MRPS22: variants seen among roughly 807,000 people sequenced by gnomAD.
MRPS22 encodes the protein small ribosomal subunit protein mS22.
In MRPS22, 30 loss-of-function variants were observed where a neutral mutation model predicts 44.0. The observed-to-expected ratio is 0.68, with a 90% CI of 0.51 to 0.93. The LOEUF is 0.93. Ranked by LOEUF, MRPS22 falls within the 40% of genes least tolerant of loss-of-function variation. The probability of loss-of-function intolerance (pLI) is 0.00; values close to 1 mark genes in which losing one functional copy is unlikely to be tolerated. For synonymous variants in MRPS22, 165 were observed against 154.4 expected, an observed-to-expected ratio of 1.07 and a Z score of -0.51; for missense variants, 447 against 447.8, an observed-to-expected ratio of 1.00 and a Z score of 0.02.
Position 139,356,919 on chromosome 3 carries a change from G to T in MRPS22, c.988G>T (p.Val330Phe), listed in dbSNP as rs1257918633. The change falls in exon 8 of 8, where the codon GTC becomes TTC. Residue 330 changes from valine (V) to phenylalanine (F), a missense_variant and splice_region_variant. Coordinates refer to ENST00000680020, the MANE Select transcript of MRPS22 (RefSeq NM_020191.4). ...QAAEGINLIK[V>F]FAKTEAQKGA... ...AAAATTTTCTTTTTAATTTAAACAG[G>T]TCTTTGCAAAAACAGAAGCACAGAA... is the stretch of plus-strand genomic sequence containing the variant. 6.2e-7 allele frequency: 1 copy of T among 1,609,232 alleles called. No individual in the cohort carries two copies. Among genetic ancestry groups the T allele is most frequent in the East Asian group, 2.2e-5 (1 of 44,786 alleles).
At chr3:139,355,918 T>C (rs1941247229) in intron 7 of MRPS22, 128 bp downstream of exon 7, 1 of 749,122 alleles carries the variant, frequency 1.3e-6, no homozygotes, top group Non-Finnish European at 2.4e-6. Flanking sequence ...CTTGAAAACA[T>C]CAGTATGATT....
At position 139,348,211 on chromosome 3, in the gene MRPS22, G is replaced by A; in HGVS notation, c.391G>A (p.Val131Ile). The change falls in exon 3 of 8, where the codon GTT (valine) becomes ATT (isoleucine). Residue 131 changes from valine to isoleucine, a missense_variant. By Grantham distance (29) the Val-to-Ile change is conservative. Coordinates refer to ENST00000680020, the MANE Select transcript of MRPS22 (RefSeq NM_020191.4). Reference protein sequence around the residue: ...AAKVRLKMPPVLEERVPINDV... With the variant: ...AAKVRLKMPPILEERVPINDV... ...TAAAGTACGATTAAAAATGCCACCA[G>A]TTCTGGAAGAGCGAGTACCAATAAA... The A allele has an allele frequency of 6.2e-7, 1 of 1,614,172 alleles. No homozygotes were observed. Among genetic ancestry groups the A allele is most frequent in the Non-Finnish European group, 8.5e-7 (1 of 1,180,008 alleles).
At chr3:139,347,553 C>G (rs566188557) in intron 2 of MRPS22, among the ~76,000 whole-genome samples, 2 of 152,300 alleles carry the variant, frequency 1.3e-5, no homozygotes, top group African/African-American at 4.8e-5. Context: ...ATATATATAT[C>G]TCTCTCCAGT....
chr3:139,355,759 A>G lies in MRPS22; in HGVS notation c.956A>G (p.Asp319Gly), dbSNP rs1318237370. 6.2e-7 allele frequency: 1 copy of G among 1,614,126 alleles called. No individual in the cohort carries two copies. Among genetic ancestry groups the G allele is most frequent in the Non-Finnish European group, 8.5e-7 (1 of 1,179,988 alleles). ...GGCCAGTCGGCTCAAGGGGCCAAGG[A>G]TCAGGCTGCTGAGGGAATAAATTTA... ...PDGQSAQGAK[D>G]QAAEGINLIK... The change falls in exon 7 of 8, where the codon GAT becomes GGT. Residue 319 changes from aspartate to glycine, a missense_variant. Coordinates refer to ENST00000680020, the MANE Select transcript of MRPS22 (RefSeq NM_020191.4).
At chr3:139,355,638 A>G (rs1488780538) in intron 6 of MRPS22, 44 bp from the exon 7 acceptor site, 3 of 1,483,556 alleles carry the variant, frequency 2.0e-6, no homozygotes, top group South Asian at 2.3e-5. Context: ...CTGTGAATCA[A>G]ATGAAGAAAA....
rs9878548 is a variant in MRPS22, at chr3:139,356,802, C to A, written c.988-117C>A. 529,519 of 711,710 alleles carry A rather than the reference C, an allele frequency of 0.74. 201,998 individuals carry two copies. Among genetic ancestry groups the A allele is most frequent in the East Asian group, 0.9 (32,681 of 36,352 alleles). The allele number at this position is 711,710 out of a possible 1,614,324, so 44.1% of individuals were successfully genotyped here. ...GGGGAAAAATTGTGAAATCTGAAAG[C>A]CCTTTTTAAGTAGGACTCTTTGCTA... On this transcript the variant is annotated intron_variant, in intron 7 of 7. Transcript: ENST00000680020.
At position 139,355,736 on chromosome 3, in the gene MRPS22, C is replaced by T; in HGVS notation, c.933C>T (p.Gly311=). Residue 311 remains glycine (G), a synonymous_variant, in exon 7 of 8, where the codon GGC becomes GGT. Coordinates refer to ENST00000680020, the MANE Select transcript of MRPS22 (RefSeq NM_020191.4). ...TGTATCACGTGCTCCATCCAGATGG[C>T]CAGTCGGCTCAAGGGGCCAAGGATC... ...VQLYHVLHPD[G]QSAQGAKDQA... is the part of the protein sequence containing the mutation. 1 of 1,614,132 alleles carries T rather than the reference C, an allele frequency of 6.2e-7. No homozygotes were observed. The highest frequency in any genetic ancestry group is 1.7e-5 in the Admixed American group (1 of 60,034).
chr3:139,357,002 T>C lies in MRPS22; in HGVS notation c.1071T>C (p.Ser357=). ...QTYQEALSRH[S]AAS Reference sequence around the variant, plus strand: ...ATCAAGAAGCACTCAGTCGCCATTCTGCAGCTTCCTAAAAATATTTTAAAA... The same window carrying C: ...ATCAAGAAGCACTCAGTCGCCATTCCGCAGCTTCCTAAAAATATTTTAAAA... The change falls in exon 8 of 8, where the codon TCT becomes TCC. Residue 357 remains serine, a synonymous_variant. Transcript: ENST00000680020. 1 of 1,609,560 alleles carries C rather than the reference T, an allele frequency of 6.2e-7. No homozygotes were observed. The highest frequency in any genetic ancestry group is 8.5e-7 in the Non-Finnish European group (1 of 1,176,674).
chr3:139,344,930 A>G (rs976317303), intron 1 of MRPS22, among the ~76,000 whole-genome samples: 1 of 152,194 alleles, frequency 6.6e-6, no homozygotes, highest in South Asian at 2.1e-4. Context: ...AATTAAACCT[A>G]TTTGGGACAC....
chr3:139,351,118 T>A, intron 5 of MRPS22, 58 bp downstream of exon 5: 2 of 1,273,932 alleles, frequency 1.6e-6, no homozygotes, highest in Non-Finnish European at 2.3e-6. Flanking sequence ...GTAAGATTTT[T>A]AATCTAGCTC....
At chr3:139,355,577 G>T in intron 6 of MRPS22, 105 bp from the exon 7 acceptor site, 1 of 931,958 alleles carries the variant, frequency 1.1e-6, no homozygotes. Context: ...TCCAGCCTGA[G>T]GAAAGTCTGA....
At chr3:139,350,574 C>T (rs1941127366) in intron 4 of MRPS22, 2 of 472,560 alleles carry the variant, frequency 4.2e-6, no homozygotes, top group Non-Finnish European at 7.7e-6. Flanking sequence ...ATTACAGGCG[C>T]CCGCCACCAC....
intron 7 of MRPS22, among the ~76,000 whole-genome samples, chr3:139,356,043 C>T (rs1012026330): frequency 4.6e-5 from 7 of 152,154 alleles, no homozygotes; most frequent in African/African-American, 1.4e-4. Context: ...GAAGTTCTGA[C>T]AGTGCAGGGA....
At position 139,344,490 on chromosome 3, in the gene MRPS22, C is replaced by T. The variant is rs905722046; in HGVS notation, c.172+292C>T. On this transcript the variant is annotated intron_variant, in intron 1 of 7. Coordinates refer to ENST00000680020, the MANE Select transcript of MRPS22 (RefSeq NM_020191.4). ...ACATTTCCCTGTGGGAACTCATGTC[C>T]ATGGGGAATTGGCAGTGCAGTGTGA... 6.5e-6 allele frequency: 4 copies of T among 610,884 alleles called. No homozygotes were observed. The East Asian group carries it at 1.1e-4, about 17-fold the overall frequency. 37.8% of individuals were successfully genotyped at this position (610,884 alleles called of 1,614,324 possible). A position where few individuals can be genotyped will look rare whatever the true frequency, so the allele number is the denominator to read the frequency against.
intron 3 of MRPS22, chr3:139,349,288 G>A (rs533478253): frequency 1.2e-5 from 5 of 434,348 alleles, no homozygotes; most frequent in South Asian, 8.5e-5. Context: ...AGGAAAAATT[G>A]TATTATGTTG....
chr3:139,348,468 A>G (rs1323025315), intron 3 of MRPS22, 144 bp downstream of exon 3: 1 of 776,026 alleles, frequency 1.3e-6, no homozygotes, highest in Non-Finnish European at 2.2e-6. Context: ...AAGATATACT[A>G]TATGAGGGAT....
intron 2 of MRPS22, 148 bp from the exon 3 acceptor site, chr3:139,348,012 C>A: frequency 1.3e-6 from 1 of 772,982 alleles, no homozygotes; most frequent in Non-Finnish European, 2.1e-6. Flanking sequence ...GCTCACAAGT[C>A]CAGGTTTGGC....
intron 6 of MRPS22, among the ~76,000 whole-genome samples, chr3:139,355,434 C>G (rs970646142): frequency 6.6e-6 from 1 of 152,196 alleles, no homozygotes; most frequent in African/African-American, 2.4e-5. Context: ...AATATATTCA[C>G]TTTCATAAAT....
At chr3:139,346,434 T>C (rs1941039739) in intron 1 of MRPS22, among the ~76,000 whole-genome samples, 1 of 151,998 alleles carries the variant, frequency 6.6e-6, no homozygotes, top group African/African-American at 2.4e-5. Flanking sequence ...CAGACAAACC[T>C]TGGTTTAAAT....
Sources: allele counts gnomAD v4.1 joint callset (sites outside exome capture counted in the v4.1 genomes callset), GRCh38; gene constraint gnomAD v4.1.1; transcripts MANE v1.5; gene names NCBI Gene and HGNC (gene_info 2026-07-23, HGNC 2026-07-21).